The following KIFBP variants were observed in gnomAD, a reference collection of about 807,000 sequenced individuals.
KIFBP encodes KIF-binding protein.
Under a neutral mutation model 58.9 loss-of-function variants are expected in KIFBP, and 46 were observed. The observed-to-expected ratio is 0.78, with a 90% confidence interval of 0.62 to 1.00. The LOEUF is 1.00. Ranked by LOEUF, KIFBP falls within the 50% of genes least tolerant of loss-of-function variation. KIFBP has a pLI of 0.00. For synonymous variants in KIFBP, 241 were observed against 283.4 expected (o/e 0.85, Z 1.50); for missense variants, 651 against 752.9 (o/e 0.86, Z 1.58).
intron 1 of KIFBP, among the ~76,000 whole-genome samples, chr10:68,996,236 A>G (rs1843405795): frequency 1.3e-5 from 2 of 152,146 alleles, no homozygotes; most frequent in Admixed American, 1.3e-4. Flanking sequence ...TTAAAAAAAA[A>G]ATCCAAAACA....
At chr10:69,000,392 A>G (rs1843453678) in intron 1 of KIFBP, 32 bp from the exon 2 acceptor site, 1 of 1,393,102 alleles carries the variant, frequency 7.2e-7, no homozygotes, top group African/African-American at 1.4e-5. Flanking sequence ...GTCTTATATC[A>G]TTGTTTGTTT....
At chr10:69,006,872 A>C (rs1315633938) in intron 4 of KIFBP, 1 of 152,176 alleles carries the variant, frequency 6.6e-6, no homozygotes, top group Non-Finnish European at 1.5e-5. Context: ...TTAGCAGGAG[A>C]GAAAGGGCTG....
Position 69,016,384 on chromosome 10 carries a change from G to A in KIFBP, c.1834G>A (p.Glu612Lys). 1 of 1,614,134 alleles carries A rather than the reference G, an allele frequency of 6.2e-7. No homozygotes were observed. Among genetic ancestry groups the A allele is most frequent in the South Asian group, 1.1e-5 (1 of 91,078 alleles). The change falls in exon 7 of 7, where the codon GAG (glutamate) becomes AAG (lysine). Residue 612 changes from glutamate (E) to lysine (K), a missense_variant. Physicochemically the swap from Glu to Lys is moderately conservative, Grantham distance 56. Coordinates refer to ENST00000361983, the MANE Select transcript of KIFBP (RefSeq NM_015634.4). ...EMVSLLPTKMERFRTKMALT is the reference protein window; with the variant it reads ...EMVSLLPTKMKRFRTKMALT ...GGTTAGTCTTCTCCCAACAAAAATG[G>A]AGAGATTCAGAACCAAGATGGCCCT...
At chr10:68,997,818 C>G (rs1843422614) in intron 1 of KIFBP, among the ~76,000 whole-genome samples, 1 of 152,164 alleles carries the variant, frequency 6.6e-6, no homozygotes. Flanking sequence ...TGCAACTAAC[C>G]TAGGTAGTCT....
intron 1 of KIFBP, among the ~76,000 whole-genome samples, chr10:68,997,607 G>A (rs1402369501): frequency 6.6e-6 from 1 of 151,826 alleles, no homozygotes. Flanking sequence ...CTAGTCTCAG[G>A]TAGTTCTTTA....
intron 1 of KIFBP, among the ~76,000 whole-genome samples, chr10:68,994,376 T>C (rs1843382301): frequency 6.6e-6 from 1 of 152,152 alleles, no homozygotes; most frequent in Non-Finnish European, 1.5e-5. Flanking sequence ...ATTCATGATA[T>C]TCTAACTGCT....
chr10:69,002,438 A>G (rs1044405438), intron 2 of KIFBP, among the ~76,000 whole-genome samples: 3 of 151,882 alleles, frequency 2.0e-5, no homozygotes, highest in Non-Finnish European at 2.9e-5. Flanking sequence ...GATTACAGGC[A>G]TAAGCCACCA....
chr10:69,011,582 C>T (rs529242272), intron 6 of KIFBP, among the ~76,000 whole-genome samples: 1 of 150,474 alleles, frequency 6.6e-6, no homozygotes, highest in African/African-American at 2.4e-5. Flanking sequence ...CTGGCTCTCA[C>T]TGTGTTGCCA....
chr10:69,002,245 C>T (rs1843474931), intron 2 of KIFBP, among the ~76,000 whole-genome samples: 1 of 151,854 alleles, frequency 6.6e-6, no homozygotes, highest in Non-Finnish European at 1.5e-5. Flanking sequence ...CTGCAACCTC[C>T]ACCTCTTGAG....
chr10:68,992,203 G>C (rs1161253805), intron 1 of KIFBP, among the ~76,000 whole-genome samples: 1 of 151,954 alleles, frequency 6.6e-6, no homozygotes, highest in Non-Finnish European at 1.5e-5. Context: ...ATGTTGCTCG[G>C]GCTGGTCTCG....
intron 1 of KIFBP, among the ~76,000 whole-genome samples, chr10:68,993,341 T>G (rs556991938): frequency 1.3e-5 from 2 of 152,320 alleles, no homozygotes; most frequent in African/African-American, 4.8e-5. Flanking sequence ...AGCACAGGAC[T>G]TTTCTCTTTT....
chr10:68,994,636 C>T (rs1268636342), intron 1 of KIFBP, among the ~76,000 whole-genome samples: 1 of 152,082 alleles, frequency 6.6e-6, no homozygotes, highest in Non-Finnish European at 1.5e-5. Flanking sequence ...TGTCCCCACT[C>T]CAGGTTATAT....
intron 5 of KIFBP, 69 bp downstream of exon 5, chr10:69,008,994 T>C: frequency 7.6e-7 from 1 of 1,311,706 alleles, no homozygotes; most frequent in Non-Finnish European, 1.1e-6. Context: ...TTTTAAACTT[T>C]TGAAAAGTTG....
chr10:69,007,363 C>A (rs996982095), intron 4 of KIFBP, among the ~76,000 whole-genome samples: 1 of 152,130 alleles, frequency 6.6e-6, no homozygotes, highest in East Asian at 1.9e-4. Context: ...ATATCATTGT[C>A]ATCTTCATCT....
chr10:69,014,293 G>A (rs1843623618), intron 6 of KIFBP, among the ~76,000 whole-genome samples: 1 of 152,134 alleles, frequency 6.6e-6, no homozygotes, highest in Non-Finnish European at 1.5e-5. Flanking sequence ...ATATGAGAAG[G>A]CACAATAGGA....
chr10:69,005,165 C>CTAATCTATG, intron 3 of KIFBP, 40 bp downstream of exon 3: 1 of 1,371,394 alleles, frequency 7.3e-7, no homozygotes, highest in Non-Finnish European at 1.0e-6. Flanking sequence ...AATATTTCCA[C>CTAATCTATG]ATATCATAGA....
intron 1 of KIFBP, among the ~76,000 whole-genome samples, chr10:68,996,238 T>A (rs902645571): frequency 6.7e-6 from 1 of 150,230 alleles, no homozygotes; most frequent in Non-Finnish European, 1.5e-5. Context: ...AAAAAAAAAA[T>A]CCAAAACACC....
At chr10:68,993,229 G>A (rs987856218) in intron 1 of KIFBP, among the ~76,000 whole-genome samples, 13 of 152,086 alleles carry the variant, frequency 8.5e-5, no homozygotes, top group African/African-American at 2.9e-4. Context: ...AGCCTTGAAG[G>A]CTCCTTCCCA....
In KIFBP at chr10:68,988,811, A is replaced by G; in HGVS notation, c.-22A>G. The stretch of plus-strand genomic sequence containing the variant: ...GAGTCCCGACTGCAAACATTGAGGA[A>G]AGCCAGGCAGTAGAGGCCGCTATGG... On this transcript the variant is annotated 5_prime_UTR_variant, in exon 1 of 7. Coordinates refer to ENST00000361983, the MANE Select transcript of KIFBP (RefSeq NM_015634.4). 1 of 1,614,270 alleles carries G rather than the reference A, an allele frequency of 6.2e-7. No homozygotes were observed. The highest frequency in any genetic ancestry group is 8.5e-7 in the Non-Finnish European group (1 of 1,180,048).
Sources: gnomAD v4.1 joint callset for allele counts (sites outside exome capture counted in the v4.1 genomes callset) on GRCh38, gnomAD v4.1.1 for gene constraint, MANE v1.5 for transcripts, NCBI Gene and HGNC (gene_info 2026-07-23, HGNC 2026-07-21) for gene names.